Variants in CHODL observed in about 807,000 individuals in gnomAD.
CHODL encodes the protein transmembrane protein MT75.
CHODL carries 29 observed loss-of-function variants against 34.5 expected under a neutral mutation model. That is an observed-to-expected ratio of 0.84 (90% CI 0.63 to 1.15). The LOEUF (loss-of-function observed/expected upper bound fraction) is 1.15. Ranked by LOEUF, CHODL falls within the 50% of genes most tolerant of loss-of-function variation. The pLI, the probability that CHODL is intolerant of heterozygous loss-of-function variation, is 0.00. For missense variants in CHODL, 332 were observed against 332.5 expected, an observed-to-expected ratio of 1.00 and a Z score of 0.01; for synonymous variants, 125 against 116.1, an observed-to-expected ratio of 1.08 and a Z score of -0.49.
At chr21:18,025,698 GT>G (rs2146431129) in intron 1 of CHODL, among the ~76,000 whole-genome samples, 1 of 152,094 alleles carries the variant, frequency 6.6e-6, no homozygotes, top group South Asian at 2.1e-4. Context: ...CAGAAATTTA[GT>G]TTCTCACAGA....
At chr21:18,209,169 G>A (rs983038051) in intron 2 of CHODL, among the ~76,000 whole-genome samples, 6 of 152,340 alleles carry the variant, frequency 3.9e-5, no homozygotes, top group African/African-American at 1.4e-4. Context: ...AGGGCCAAGA[G>A]TTGGAAACCT....
At chr21:17,943,068 A>C (rs2063378545) in intron 1 of CHODL, among the ~76,000 whole-genome samples, 1 of 152,188 alleles carries the variant, frequency 6.6e-6, no homozygotes, top group Admixed American at 6.5e-5. Flanking sequence ...CAGAACTGTG[A>C]GTCTATTAAA....
At position 18,177,650 on chromosome 21, in the gene CHODL, A is replaced by G. The variant is rs80116346; in HGVS notation, c.-44-78859A>G. Among the ~76,000 whole-genome samples the G allele has an allele frequency of 2.6e-3, 399 of 152,250 alleles. 1 individual carries two copies. The highest frequency in any genetic ancestry group is 9.2e-3 in the African/African-American group (381 of 41,558). On this transcript the variant is annotated intron_variant, in intron 2 of 6. Coordinates refer to the CHODL transcript ENST00000400127. ...GAAAATGTGCCAACATTTGTGAACA[A>G]AATCGTACCAGTCTAGTCAATGAGT...
chr21:18,014,664 G>A (rs158063), intron 1 of CHODL, among the ~76,000 whole-genome samples: 4,470 of 152,166 alleles, frequency 0.029, 205 homozygotes, highest in African/African-American at 0.099. Flanking sequence ...TGAAGCAGTG[G>A]CACCTTCACC....
At chr21:18,253,181 A>AT (rs1568958778) in intron 1 of CHODL, among the ~76,000 whole-genome samples, 1 of 151,974 alleles carries the variant, frequency 6.6e-6, no homozygotes, top group Non-Finnish European at 1.5e-5. Context: ...TGCTGCATTT[A>AT]TTTTTTAATA....
chr21:18,185,395 GC>G (rs977602868), intron 2 of CHODL, among the ~76,000 whole-genome samples: 1 of 152,128 alleles, frequency 6.6e-6, no homozygotes, highest in African/African-American at 2.4e-5. Flanking sequence ...GTGTATATGT[GC>G]CACATTTTCT....
At chr21:18,186,416 A>C (rs1457744897) in intron 2 of CHODL, among the ~76,000 whole-genome samples, 6 of 152,094 alleles carry the variant, frequency 3.9e-5, no homozygotes, top group African/African-American at 7.2e-5. Context: ...AAATTAAAAA[A>C]AAAAAGTCAT....
chr21:18,223,667 C>G (rs534165236), intron 2 of CHODL, among the ~76,000 whole-genome samples: 142 of 152,190 alleles, frequency 9.3e-4, no homozygotes, highest in African/African-American at 3.3e-3. Flanking sequence ...CTCATTCTTT[C>G]ATGGTGACCT....
intron 2 of CHODL, among the ~76,000 whole-genome samples, chr21:18,202,562 CAAATT>C (rs2073666655): frequency 6.6e-6 from 1 of 152,140 alleles, no homozygotes; most frequent in South Asian, 2.1e-4. Context: ...CACCAAAAAT[CAAATT>C]AGTCTGCCCT....
chr21:18,012,324 A>G (rs147261392), intron 1 of CHODL, among the ~76,000 whole-genome samples: 295 of 152,350 alleles, frequency 1.9e-3, no homozygotes, highest in African/African-American at 6.8e-3. Context: ...TTCTACTGAC[A>G]ATCTCTATGT....
chr21:18,184,643 A>G lies in CHODL; in HGVS notation c.-44-71866A>G, dbSNP rs531778490. Among the ~76,000 whole-genome samples the G allele has an allele frequency of 3.9e-5, 6 of 152,322 alleles. No homozygotes were observed. In the East Asian group the frequency reaches 1.2e-3, roughly 29 times the overall value. ...TCATCAGGGCTGGACAATGCCCAGT[A>G]TTGAACACCATGGAGGGAGAAACTT... On this transcript the variant is annotated intron_variant, in intron 2 of 6. Coordinates refer to the CHODL transcript ENST00000400127.
chr21:18,069,979 T>C (rs1389582829), intron 2 of CHODL, among the ~76,000 whole-genome samples: 3 of 90,272 alleles, frequency 3.3e-5, no homozygotes, highest in Admixed American at 1.1e-4. Context: ...CTTTCCCTCC[T>C]TTTCTTTCCC....
chr21:18,263,008 A>G (rs1365753567), intron 5 of CHODL, 115 bp downstream of exon 5: 4 of 625,146 alleles, frequency 6.4e-6, no homozygotes, highest in Non-Finnish European at 1.1e-5. Context: ...AAGAAATCCT[A>G]TACATACAAT....
chr21:17,960,954 CT>C (rs2063527647), intron 1 of CHODL, among the ~76,000 whole-genome samples: 2 of 152,324 alleles, frequency 1.3e-5, no homozygotes, highest in African/African-American at 4.8e-5. Context: ...AGGTCTTCAT[CT>C]TTTTTTATGT....
chr21:18,265,607 C>G (rs2074449408), intron 5 of CHODL, among the ~76,000 whole-genome samples: 1 of 152,016 alleles, frequency 6.6e-6, no homozygotes, highest in Non-Finnish European at 1.5e-5. Flanking sequence ...ACCAAAATTT[C>G]ACAAATCACC....
intron 1 of CHODL, among the ~76,000 whole-genome samples, chr21:17,984,615 T>A (rs903584703): frequency 5.1e-4 from 77 of 152,296 alleles, no homozygotes; most frequent in African/African-American, 1.5e-3. Context: ...TGACTTTTTT[T>A]AATTTAAGAC....
chr21:18,195,334 G>A (rs970787990), intron 2 of CHODL, among the ~76,000 whole-genome samples: 3 of 152,114 alleles, frequency 2.0e-5, no homozygotes, highest in East Asian at 1.9e-4. Context: ...GATTACAGGC[G>A]TGAGCCACCG....
At chr21:17,980,229 G>A (rs959122484) in intron 1 of CHODL, among the ~76,000 whole-genome samples, 9 of 151,898 alleles carry the variant, frequency 5.9e-5, no homozygotes, top group Admixed American at 1.3e-4. Flanking sequence ...TGTCCTCAGA[G>A]CTTTTGGGCA....
At chr21:18,105,146 A>G (rs954238089) in intron 2 of CHODL, among the ~76,000 whole-genome samples, 6 of 152,206 alleles carry the variant, frequency 3.9e-5, no homozygotes, top group Non-Finnish European at 7.3e-5. Flanking sequence ...AGTCATGGCT[A>G]TTTCATATGA....
Sources: allele counts gnomAD v4.1 joint callset (sites outside exome capture counted in the v4.1 genomes callset), GRCh38; gene constraint gnomAD v4.1.1; transcripts MANE v1.5; gene names NCBI Gene and HGNC (gene_info 2026-07-23, HGNC 2026-07-21).